The following NNT variants were observed in gnomAD, a reference collection of about 807,000 sequenced individuals.
NNT encodes NAD(P) transhydrogenase, mitochondrial.
NNT carries 50 observed loss-of-function variants against 104.8 expected under a neutral mutation model. That is an observed-to-expected ratio of 0.48 (90% CI 0.38 to 0.60). The LOEUF is 0.60. Among genes scored for constraint, NNT ranks in the 20% least tolerant of loss-of-function variants. The pLI, the probability that NNT is intolerant of heterozygous loss-of-function variation, is 0.00. For synonymous variants in NNT, 461 were observed against 490.4 expected (o/e 0.94, Z 0.79); for missense variants, 1,131 against 1,330.7 (o/e 0.85, Z 2.33).
intron 14 of NNT, 187 bp downstream of exon 14, chr5:43,653,400 C>A (rs1002332142): frequency 3.5e-6 from 2 of 568,472 alleles, no homozygotes; most frequent in Admixed American, 3.1e-5. Flanking sequence ...TGAATAAATG[C>A]ATCAACTGAG....
intron 7 of NNT, among the ~76,000 whole-genome samples, chr5:43,630,485 G>A: frequency 6.6e-6 from 1 of 152,196 alleles, no homozygotes; most frequent in East Asian, 1.9e-4. Context: ...GGAATTTTCA[G>A]TGTATATTTT....
In NNT at chr5:43,646,615, T is replaced by C. The variant is rs936038886; in HGVS notation, c.1444+1105T>C. 4.6e-5 allele frequency among the ~76,000 whole-genome samples: 7 copies of C among 152,172 alleles called. No individual in the cohort carries two copies. In the East Asian group the frequency reaches 1.3e-3, roughly 29 times the overall value. ...ATGTATTGAGAAGTGATGTATGCCA[T>C]ATTGTGCTGGTGTTAAATGCGTATA... On this transcript the variant is annotated intron_variant, in intron 10 of 21. Coordinates refer to ENST00000344920, the MANE Select transcript of NNT (RefSeq NM_182977.3).
rs1311723462 is a variant in NNT, at chr5:43,615,899, T to C, written c.433T>C (p.Leu145=). Residue 145 remains leucine, a synonymous_variant, in exon 4 of 22, where the codon TTA becomes CTA. Coordinates refer to ENST00000344920, the MANE Select transcript of NNT (RefSeq NM_182977.3). The part of the protein sequence containing the change: ...PTLGVHEADL[L]KTSGTLISFI... ...ATTAGGTGTTCATGAAGCTGACCTT[T>C]TAAAGACATCAGGAACGCTGATTAG... The C allele has an allele frequency of 6.2e-7, 1 of 1,614,210 alleles. No individual in the cohort carries two copies.
intron 17 of NNT, among the ~76,000 whole-genome samples, chr5:43,673,052 C>T (rs750444272): frequency 2.5e-4 from 38 of 152,300 alleles, no homozygotes; most frequent in Non-Finnish European, 4.1e-4. Flanking sequence ...TAGCAATGAG[C>T]GAGGCTCTGT....
intron 7 of NNT, among the ~76,000 whole-genome samples, chr5:43,629,417 T>C (rs1484502694): frequency 6.6e-6 from 1 of 152,230 alleles, no homozygotes; most frequent in Non-Finnish European, 1.5e-5. Context: ...TTTGCAACTG[T>C]GAATTGTGCT....
chr5:43,705,999 C>T lies in NNT; in HGVS notation c.*1595C>T, dbSNP rs891517855. 4.6e-5 allele frequency: 7 copies of T among 151,882 alleles called. No individual in the cohort carries two copies. Among genetic ancestry groups the T allele is most frequent in the Admixed American group, 2.0e-4 (3 of 15,266 alleles). The allele number at this position is 151,882 out of a possible 1,614,324, so 9.4% of individuals were successfully genotyped here. The stretch of plus-strand genomic sequence containing the variant: ...ATCTAGAAAGAAGCAATTTTGATTT[C>T]TTGAAAAGGTAGTTCCTGCACTCAG... On this transcript the variant is annotated 3_prime_UTR_variant, in exon 22 of 22. Coordinates refer to ENST00000344920, the MANE Select transcript of NNT (RefSeq NM_182977.3).
intron 17 of NNT, among the ~76,000 whole-genome samples, chr5:43,661,613 A>C (rs1740365943): frequency 8.1e-6 from 1 of 123,048 alleles, no homozygotes; most frequent in Non-Finnish European, 1.6e-5. Context: ...TCCTGTGTCC[A>C]TGTGATCTCA....
At chr5:43,621,002 A>G (rs1211645162) in intron 5 of NNT, among the ~76,000 whole-genome samples, 1 of 152,254 alleles carries the variant, frequency 6.6e-6, no homozygotes, top group East Asian at 1.9e-4. Flanking sequence ...GAAAATTTAA[A>G]TTGCAGCTTA....
rs1740225448 is a variant in NNT at position 43,659,275 on chromosome 5, C to T, written c.2559C>T (p.Leu853=). 1.2e-6 allele frequency: 2 copies of T among 1,614,006 alleles called. No homozygotes were observed. Among genetic ancestry groups the T allele is most frequent in the Non-Finnish European group, 1.7e-6 (2 of 1,179,996 alleles). The change falls in exon 17 of 22, where the codon CTC becomes CTT. Residue 853 remains leucine (L), a synonymous_variant. Coordinates refer to ENST00000344920, the MANE Select transcript of NNT (RefSeq NM_182977.3). Reference sequence around the variant, plus strand: ...CCCTGTGTGCAGAGGGCTTCCTGCTCAACAACAATCTGCTGACCATCGTGG... The same window carrying T: ...CCCTGTGTGCAGAGGGCTTCCTGCTTAACAACAATCTGCTGACCATCGTGG... ...GWALCAEGFL[L]NNNLLTIVGA... is the part of the protein sequence containing the mutation.
chr5:43,675,976 C>T (rs79270704), intron 18 of NNT, among the ~76,000 whole-genome samples: 26 of 152,032 alleles, frequency 1.7e-4, no homozygotes, highest in East Asian at 5.8e-4. Flanking sequence ...TTTTTGGGCC[C>T]GTTGTCAAGA....
intron 1 of NNT, among the ~76,000 whole-genome samples, chr5:43,605,348 C>T (rs10059952): frequency 0.012 from 1,845 of 150,574 alleles, 39 homozygotes; most frequent in African/African-American, 0.038. Context: ...AACCCCGTCT[C>T]TACTAAAAAT....
chr5:43,609,408 ATGAT>A (rs1436753527), intron 2 of NNT, 62 bp downstream of exon 2: 4 of 1,522,776 alleles, frequency 2.6e-6, no homozygotes. Context: ...AATAGATCTG[ATGAT>A]TGATAAAAGG....
chr5:43,636,543 A>G (rs999787169), intron 7 of NNT, among the ~76,000 whole-genome samples: 10 of 152,168 alleles, frequency 6.6e-5, no homozygotes, highest in African/African-American at 2.2e-4. Context: ...TACTGTTTCT[A>G]TTTTTTAAAA....
At chr5:43,693,371 C>G (rs545389513) in intron 19 of NNT, among the ~76,000 whole-genome samples, 1 of 152,154 alleles carries the variant, frequency 6.6e-6, no homozygotes, top group South Asian at 2.1e-4. Context: ...AGAAAAATAC[C>G]TCTTATTTAA....
At chr5:43,622,683 A>G (rs1750158737) in intron 5 of NNT, among the ~76,000 whole-genome samples, 1 of 152,222 alleles carries the variant, frequency 6.6e-6, no homozygotes, top group African/African-American at 2.4e-5. Context: ...GCTGTATTGC[A>G]GATGATAAGC....
At chr5:43,677,560 G>A (rs1358514122) in intron 18 of NNT, among the ~76,000 whole-genome samples, 165 bp from the exon 19 acceptor site, 1 of 152,046 alleles carries the variant, frequency 6.6e-6, no homozygotes, top group Non-Finnish European at 1.5e-5. Flanking sequence ...CAAATTTAGG[G>A]CAATATTTTT....
chr5:43,633,625 G>C (rs1371428853), intron 7 of NNT, among the ~76,000 whole-genome samples: 1 of 152,168 alleles, frequency 6.6e-6, no homozygotes, highest in Admixed American at 6.5e-5. Flanking sequence ...TTGTCTCCCA[G>C]TGAGTGCAGC....
chr5:43,670,461 C>T (rs1019280276), intron 17 of NNT, among the ~76,000 whole-genome samples: 21 of 152,158 alleles, frequency 1.4e-4, no homozygotes, highest in Non-Finnish European at 2.5e-4. Context: ...GAATGTGTCC[C>T]AGAGATTCTG....
intron 17 of NNT, among the ~76,000 whole-genome samples, chr5:43,669,818 C>T (rs1433239712): frequency 6.6e-6 from 1 of 152,170 alleles, no homozygotes; most frequent in Admixed American, 6.5e-5. Flanking sequence ...GGAGGATTCC[C>T]TCTTTTTCTA....
Sources: allele counts gnomAD v4.1 joint callset (sites outside exome capture counted in the v4.1 genomes callset), GRCh38; gene constraint gnomAD v4.1.1; transcripts MANE v1.5; gene names NCBI Gene and HGNC (gene_info 2026-07-23, HGNC 2026-07-21).